LRRC42: variants seen among roughly 807,000 people sequenced by gnomAD.
LRRC42 encodes the protein leucine-rich repeat-containing protein 42.
In LRRC42, 43 loss-of-function variants were observed where a neutral mutation model predicts 44.3. The ratio of observed to expected loss-of-function variants is 0.97; its 90% CI spans 0.76 to 1.25. LRRC42 has a LOEUF of 1.25. LRRC42 is among the 50% of genes most tolerant of loss of function. The pLI, the probability that LRRC42 is intolerant of heterozygous loss-of-function variation, is 0.00. For missense variants in LRRC42, 540 were observed against 509.1 expected, an observed-to-expected ratio of 1.06 and a Z score of -0.58; for synonymous variants, 207 against 195.2, an observed-to-expected ratio of 1.06 and a Z score of -0.50.
rs1254747086 is a variant in LRRC42 at position 53,952,075 on chromosome 1, A to T, written c.76A>T (p.Met26Leu). ...IYMRENGQLH[M>L]VNLALDGVRS... Reference sequence around the variant, plus strand: ...CATGCGAGAAAATGGGCAGCTGCACATGGTCAATCTGGCTCTGGATGGTGT... The same window carrying T: ...CATGCGAGAAAATGGGCAGCTGCACTTGGTCAATCTGGCTCTGGATGGTGT... The change falls in exon 3 of 9, where the codon ATG (methionine) becomes TTG (leucine). Residue 26 changes from methionine to leucine, a missense_variant. By Grantham distance (15) the Met-to-Leu change is conservative. Coordinates refer to ENST00000371370, the MANE Select transcript of LRRC42 (RefSeq NM_001256409.2). 3 of 1,614,210 alleles carry T rather than the reference A, an allele frequency of 1.9e-6. No individual in the cohort carries two copies. In the Admixed American group the frequency reaches 5.0e-5, roughly 27 times the overall value.
intron 5 of LRRC42, among the ~76,000 whole-genome samples, chr1:53,961,611 G>T (rs1030754842): frequency 1.3e-5 from 2 of 152,168 alleles, no homozygotes; most frequent in African/African-American, 4.8e-5. Context: ...GGTAAGAGTG[G>T]TGATAGTATC....
Position 53,958,188 on chromosome 1 carries a change from T to A in LRRC42, c.513T>A (p.Ser171=), listed in dbSNP as rs757407299. Residue 171 remains serine (S), a synonymous_variant, in exon 4 of 9, where the codon TCT becomes TCA. Coordinates refer to ENST00000371370, the MANE Select transcript of LRRC42 (RefSeq NM_001256409.2). The part of the protein sequence containing the change: ...VISEKLEEIK[S]FRELTCLDLS... ...CAGAAAAGCTTGAGGAGATTAAGTC[T>A]TTCCGGGAGCTGACCTGCCTGGATC... The A allele has an allele frequency of 6.2e-7, 1 of 1,613,962 alleles. No homozygotes were observed. Among genetic ancestry groups the A allele is most frequent in the Non-Finnish European group, 8.5e-7 (1 of 1,179,874 alleles).
chr1:53,955,850 G>C (rs970126567), intron 3 of LRRC42, among the ~76,000 whole-genome samples: 7 of 150,844 alleles, frequency 4.6e-5, no homozygotes, highest in African/African-American at 1.7e-4. Context: ...GGATGGTCTC[G>C]ATCTCCTGAC....
intron 4 of LRRC42, 63 bp downstream of exon 4, chr1:53,958,343 A>G (rs1325789537): frequency 6.3e-7 from 1 of 1,587,492 alleles, no homozygotes. Context: ...CTGATCCAAC[A>G]GGATTATCTT....
chr1:53,948,760 T>C (rs1366022984), intron 2 of LRRC42, among the ~76,000 whole-genome samples: 1 of 152,240 alleles, frequency 6.6e-6, no homozygotes, highest in Admixed American at 6.5e-5. Context: ...CACCACCCAG[T>C]ACAATAGTGA....
chr1:53,948,065 C>T (rs1557642650), intron 2 of LRRC42: 1 of 152,186 alleles, frequency 6.6e-6, no homozygotes, highest in Non-Finnish European at 1.5e-5. Flanking sequence ...TACATGAGAT[C>T]ATTTTATATA....
In LRRC42 at chr1:53,968,010, T is replaced by C; in HGVS notation, c.*71T>C. The C allele has an allele frequency of 6.6e-7, 1 of 1,506,978 alleles. No individual in the cohort carries two copies. Among genetic ancestry groups the C allele is most frequent in the Non-Finnish European group, 9.0e-7 (1 of 1,116,608 alleles). The allele number at this position is 1,506,978 out of a possible 1,614,324, so 93.4% of individuals were successfully genotyped here. ...TTGAGTAAAGGAGACTGAGGATGAT[T>C]TACTTTTTGTTTGAATTTACCTATG... On this transcript the variant is annotated 3_prime_UTR_variant, in exon 9 of 9. Transcript: ENST00000371370.
chr1:53,947,393 CAGGT>C (rs557514439), intron 1 of LRRC42, among the ~76,000 whole-genome samples: 21 of 151,500 alleles, frequency 1.4e-4, no homozygotes, highest in Non-Finnish European at 2.5e-4. Flanking sequence ...GGTGAGAAGG[CAGGT>C]AGGAAAGTGC....
At chr1:53,959,162 C>G (rs1654928627) in intron 4 of LRRC42, among the ~76,000 whole-genome samples, 2 of 152,156 alleles carry the variant, frequency 1.3e-5, no homozygotes, top group African/African-American at 4.8e-5. Flanking sequence ...TTATCCAGTC[C>G]TAGTTTATTC....
rs563580091 is a variant in LRRC42, at chr1:53,951,705, G to A, written c.-14-281G>A. 3.3e-5 allele frequency among the ~76,000 whole-genome samples: 5 copies of A among 152,288 alleles called. No individual in the cohort carries two copies. The South Asian group carries it at 6.2e-4, about 19-fold the overall frequency. The stretch of plus-strand genomic sequence containing the variant: ...CTCCCAAAGTGCTGAGATTACAGGC[G>A]TGAGCTAATGCGTCCGGCCTTGACC... On this transcript the variant is annotated intron_variant, in intron 2 of 8. Transcript: ENST00000371370.
At chr1:53,961,207 A>G (rs1431261991) in intron 5 of LRRC42, among the ~76,000 whole-genome samples, 1 of 152,184 alleles carries the variant, frequency 6.6e-6, no homozygotes, top group East Asian at 1.9e-4. Flanking sequence ...CAGGAGATCA[A>G]GACCATCCTG....
At chr1:53,959,978 T>C (rs1260835640) in intron 4 of LRRC42, among the ~76,000 whole-genome samples, 1 of 151,116 alleles carries the variant, frequency 6.6e-6, no homozygotes, top group Non-Finnish European at 1.5e-5. Flanking sequence ...TGGAGTGCAG[T>C]GGTGCAATCA....
intron 3 of LRRC42, among the ~76,000 whole-genome samples, chr1:53,957,891 C>T (rs1252181096): frequency 6.6e-6 from 1 of 151,512 alleles, no homozygotes; most frequent in African/African-American, 2.4e-5. Flanking sequence ...TTGTGACTTT[C>T]CTTTGCTAAT....
intron 5 of LRRC42, among the ~76,000 whole-genome samples, chr1:53,961,456 A>T (rs1274865019): frequency 6.6e-6 from 1 of 152,114 alleles, no homozygotes; most frequent in African/African-American, 2.4e-5. Flanking sequence ...CTCCCAGGGA[A>T]GTGTATTCAT....
chr1:53,962,745 T>G (rs1303436682), intron 7 of LRRC42, among the ~76,000 whole-genome samples: 3 of 152,300 alleles, frequency 2.0e-5, no homozygotes, highest in Non-Finnish European at 2.9e-5. Flanking sequence ...ACAGATTCTC[T>G]TAGTAGTGTG....
intron 3 of LRRC42, among the ~76,000 whole-genome samples, chr1:53,954,353 G>GA (rs1049110804): frequency 4.6e-5 from 7 of 152,084 alleles, no homozygotes; most frequent in South Asian, 2.1e-4. Flanking sequence ...CAGTGGAAAG[G>GA]AAAAAAATTA....
Position 53,958,216 on chromosome 1 carries a change from T to A in LRRC42, c.541T>A (p.Ser181Thr), listed in dbSNP as rs1654896948. Residue 181 changes from serine (S) to threonine (T), a missense_variant, in exon 4 of 9, where the codon TCC (serine) becomes ACC (threonine). Ser to Thr is a moderately conservative substitution (Grantham distance 58). Coordinates refer to ENST00000371370, the MANE Select transcript of LRRC42 (RefSeq NM_001256409.2). ...SFRELTCLDL[S>T]CCKLGDEHEL... Reference sequence around the variant, plus strand: ...CCGGGAGCTGACCTGCCTGGATCTTTCCTGTTGCAAGCTTGGAGATGAGCA... The same window carrying A: ...CCGGGAGCTGACCTGCCTGGATCTTACCTGTTGCAAGCTTGGAGATGAGCA... The A allele has an allele frequency of 6.2e-7, 1 of 1,613,926 alleles. No individual in the cohort carries two copies.
intron 8 of LRRC42, among the ~76,000 whole-genome samples, chr1:53,967,188 C>G (rs753182701): frequency 1.3e-5 from 2 of 152,018 alleles, no homozygotes; most frequent in Non-Finnish European, 2.9e-5. Context: ...AATAAGAATC[C>G]AGGGCATACC....
intron 3 of LRRC42, among the ~76,000 whole-genome samples, chr1:53,954,792 T>C (rs1654785707): frequency 6.6e-6 from 1 of 152,218 alleles, no homozygotes; most frequent in African/African-American, 2.4e-5. Context: ...CATTCACATT[T>C]GATGAGGACA....
Sources: allele counts gnomAD v4.1 joint callset (sites outside exome capture counted in the v4.1 genomes callset), GRCh38; gene constraint gnomAD v4.1.1; transcripts MANE v1.5; gene names NCBI Gene and HGNC (gene_info 2026-07-23, HGNC 2026-07-21).